The following ANKRD44 variants were observed in gnomAD, a reference collection of about 807,000 sequenced individuals.
The protein encoded by ANKRD44 is serine/threonine-protein phosphatase 6 regulatory ankyrin repeat subunit B.
A neutral mutation model predicts 116.0 loss-of-function variants in ANKRD44; 35 were observed. That is an observed-to-expected ratio of 0.30 (90% CI 0.23 to 0.40). ANKRD44 has a LOEUF of 0.40. Ranked by LOEUF, ANKRD44 falls within the 10% of genes least tolerant of loss-of-function variation. The probability of loss-of-function intolerance (pLI) is 1.00; values close to 1 mark genes in which losing one functional copy is unlikely to be tolerated. For missense variants in ANKRD44, 1,014 were observed against 1,242.6 expected (o/e 0.82, Z 2.77); for synonymous variants, 435 against 461.8 (o/e 0.94, Z 0.74).
chr2:197,200,835 C>T (rs764101752), intron 1 of ANKRD44, among the ~76,000 whole-genome samples: 13 of 152,220 alleles, frequency 8.5e-5, no homozygotes, highest in African/African-American at 1.9e-4. Flanking sequence ...ATGTTTACAT[C>T]GACAGTCACT....
intron 16 of ANKRD44, among the ~76,000 whole-genome samples, chr2:197,043,135 C>G (rs2076941834): frequency 6.6e-6 from 1 of 152,174 alleles, no homozygotes; most frequent in Non-Finnish European, 1.5e-5. Context: ...TTGCTGATAG[C>G]TTCAATAAAC....
At chr2:197,101,171 CT>C (rs2078284372) in intron 9 of ANKRD44, among the ~76,000 whole-genome samples, 1 of 151,912 alleles carries the variant, frequency 6.6e-6, no homozygotes, top group African/African-American at 2.4e-5. Flanking sequence ...ATCAAATATC[CT>C]GATAGCACTT....
chr2:197,269,924 T>A (rs2082850745), intron 1 of ANKRD44, among the ~76,000 whole-genome samples: 1 of 152,140 alleles, frequency 6.6e-6, no homozygotes, highest in Admixed American at 6.5e-5. Flanking sequence ...GGCAGAGGCA[T>A]GAAACAGCAT....
intron 2 of ANKRD44, among the ~76,000 whole-genome samples, chr2:197,175,610 C>T (rs1305281058): frequency 6.6e-6 from 1 of 152,080 alleles, no homozygotes; most frequent in Non-Finnish European, 1.5e-5. Flanking sequence ...ATGTTCTGTT[C>T]CCAGGTGCTC....
chr2:197,180,964 T>C (rs1220863470), intron 2 of ANKRD44, among the ~76,000 whole-genome samples: 1 of 152,198 alleles, frequency 6.6e-6, no homozygotes, highest in South Asian at 2.1e-4. Flanking sequence ...AGTGTCTATT[T>C]TTTTTCTCAC....
At chr2:197,150,844 C>T (rs2079627492) in intron 2 of ANKRD44, among the ~76,000 whole-genome samples, 1 of 151,988 alleles carries the variant, frequency 6.6e-6, no homozygotes, top group South Asian at 2.1e-4. Flanking sequence ...AGAACTGCGA[C>T]CTCCAAGCAA....
chr2:197,269,456 C>A (rs1330703665), intron 1 of ANKRD44, among the ~76,000 whole-genome samples: 1 of 152,088 alleles, frequency 6.6e-6, no homozygotes, highest in Non-Finnish European at 1.5e-5. Context: ...TCTCGAGGAA[C>A]CGCAGATGAC....
chr2:197,270,314 A>G (rs987278614), intron 1 of ANKRD44, among the ~76,000 whole-genome samples: 1 of 152,110 alleles, frequency 6.6e-6, no homozygotes, highest in Non-Finnish European at 1.5e-5. Flanking sequence ...ACAGACTCTA[A>G]AGCAATTATG....
intron 21 of ANKRD44, among the ~76,000 whole-genome samples, chr2:196,980,467 A>C (rs763790240): frequency 2.0e-5 from 3 of 152,164 alleles, no homozygotes; most frequent in Non-Finnish European, 4.4e-5. Context: ...CTATTTATTT[A>C]GTTTAAAATT....
chr2:196,983,581 G>A (rs950602955), downstream of ANKRD44, among the ~76,000 whole-genome samples: 3 of 152,184 alleles, frequency 2.0e-5, no homozygotes, highest in Non-Finnish European at 2.9e-5. Context: ...TAAAGTTCAC[G>A]AATTTGCTGG....
intron 3 of ANKRD44, among the ~76,000 whole-genome samples, chr2:197,145,445 A>G: frequency 6.6e-6 from 1 of 152,190 alleles, no homozygotes; most frequent in African/African-American, 2.4e-5. Flanking sequence ...TGCAATTGCC[A>G]GGGCAACCAG....
chr2:197,199,116 C>T (rs1174139725), intron 1 of ANKRD44: 2 of 152,276 alleles, frequency 1.3e-5, no homozygotes, highest in Non-Finnish European at 2.9e-5. Context: ...CTCCCCATCC[C>T]ACCACAGAAA....
At chr2:196,975,749 C>T (rs1191997176) in intron 21 of ANKRD44, among the ~76,000 whole-genome samples, 1 of 145,520 alleles carries the variant, frequency 6.9e-6, no homozygotes, top group African/African-American at 2.5e-5. Flanking sequence ...GATTGTGCAA[C>T]TGCACTCCAG....
At chr2:197,093,893 A>G (rs770562367) in intron 10 of ANKRD44, among the ~76,000 whole-genome samples, 1 of 152,234 alleles carries the variant, frequency 6.6e-6, no homozygotes, top group Non-Finnish European at 1.5e-5. Flanking sequence ...TTAACAATGC[A>G]TAAGTTACAG....
Position 197,136,459 on chromosome 2 carries a change from G to A in ANKRD44, c.261+133C>T. 3 of 768,522 alleles carry A rather than the reference G, an allele frequency of 3.9e-6. No homozygotes were observed. The South Asian group carries it at 4.8e-5, about 12-fold the overall frequency. The allele number at this position is 768,522 out of a possible 1,614,324, so 47.6% of individuals were successfully genotyped here. On this transcript the variant is annotated intron_variant, in intron 4 of 27. Coordinates refer to ENST00000282272, the MANE Select transcript of ANKRD44 (RefSeq NM_001195144.2). ...CACAGGAGATACTCAAATAAAAGCTGTTCATTTTGGGTAACCCTCTTACAT... is the reference window on the plus strand; with the variant it reads ...CACAGGAGATACTCAAATAAAAGCTATTCATTTTGGGTAACCCTCTTACAT...
intron 21 of ANKRD44, among the ~76,000 whole-genome samples, chr2:196,971,914 G>A (rs1311429560): frequency 6.6e-6 from 1 of 152,176 alleles, no homozygotes; most frequent in African/African-American, 2.4e-5. Flanking sequence ...CAGAGGTCCT[G>A]AGCCCACTTA....
intron 1 of ANKRD44, among the ~76,000 whole-genome samples, chr2:197,244,379 ATG>A (rs2125807874): frequency 6.6e-6 from 1 of 152,354 alleles, no homozygotes; most frequent in African/African-American, 2.4e-5. Flanking sequence ...GCAAAGAAGA[ATG>A]TGTCATCAGC....
chr2:197,069,445 T>C (rs1443250133), intron 16 of ANKRD44, among the ~76,000 whole-genome samples: 2 of 152,026 alleles, frequency 1.3e-5, no homozygotes, highest in Non-Finnish European at 2.9e-5. Context: ...ACTTAAAGTA[T>C]AATAAAAAAA....
In ANKRD44 at chr2:196,999,181, AG is replaced by A; in HGVS notation, c.2520-130del. ...TTCTCAGTTTATAGACATAGTGATC[AG>A]GTCCCCTCCCTCTAAAGGTCATCCA... is the stretch of plus-strand genomic sequence containing the variant. On this transcript the variant is annotated intron_variant, in intron 23 of 27. Transcript: ENST00000282272. 4 of 1,089,970 alleles carry A rather than the reference AG, an allele frequency of 3.7e-6. No homozygotes were observed. The South Asian group carries it at 6.6e-5, about 18-fold the overall frequency. 67.5% of individuals were successfully genotyped at this position (1,089,970 alleles called of 1,614,324 possible).
Sources: allele counts gnomAD v4.1 joint callset (sites outside exome capture counted in the v4.1 genomes callset), GRCh38; gene constraint gnomAD v4.1.1; transcripts MANE v1.5; gene names NCBI Gene and HGNC (gene_info 2026-07-23, HGNC 2026-07-21).